Variants in CRYBG3 observed in about 807,000 individuals in gnomAD.
CRYBG3 encodes the protein crystallin beta-gamma domain containing 3.
CRYBG3 carries 127 observed loss-of-function variants against 244.2 expected under a neutral mutation model. That is an observed-to-expected ratio of 0.52 (90% CI 0.45 to 0.60). The LOEUF is 0.60. Ranked by LOEUF, CRYBG3 falls within the 20% of genes least tolerant of loss-of-function variation. The probability of loss-of-function intolerance (pLI) is 0.00; values close to 1 mark genes in which losing one functional copy is unlikely to be tolerated. For synonymous variants in CRYBG3, 1,132 were observed against 1,195.8 expected (o/e 0.95, Z 1.10); for missense variants, 3,325 against 3,442.5 (o/e 0.97, Z 0.85).
At chr3:97,829,723 C>T (rs968809593) in intron 1 of CRYBG3, among the ~76,000 whole-genome samples, 1 of 152,206 alleles carries the variant, frequency 6.6e-6, no homozygotes, top group Non-Finnish European at 1.5e-5. Flanking sequence ...AAGCACCAGT[C>T]TAGGTCCTGG....
intron 8 of CRYBG3, 87 bp from the exon 9 acceptor site, chr3:97,888,253 GT>G: frequency 1.4e-6 from 1 of 734,402 alleles, no homozygotes; most frequent in Non-Finnish European, 2.3e-6. Flanking sequence ...GGAGGATTTT[GT>G]TTTTTTATTT....
rs77747100 is a variant in CRYBG3 at position 97,886,617 on chromosome 3, T to A, written c.7153-14T>A. 3 of 1,021,290 alleles carry A rather than the reference T, an allele frequency of 2.9e-6. No individual in the cohort carries two copies. The highest frequency in any genetic ancestry group is 2.4e-4 in the Middle Eastern group (1 of 4,104). 63.3% of individuals were successfully genotyped at this position (1,021,290 alleles called of 1,614,324 possible). On this transcript the variant is annotated splice_polypyrimidine_tract_variant and intron_variant, in intron 7 of 21. Coordinates refer to ENST00000389622, the MANE Select transcript of CRYBG3 (RefSeq NM_153605.4). Reference sequence around the variant, plus strand: ...TCTAGTTGATTTCAAAGCCAAATTATTTTTTTTTTTCAGGACTGCAGCATT... The same window carrying A: ...TCTAGTTGATTTCAAAGCCAAATTAATTTTTTTTTTCAGGACTGCAGCATT...
At chr3:97,849,448 A>C (rs1423329267) in intron 2 of CRYBG3, among the ~76,000 whole-genome samples, 1 of 152,112 alleles carries the variant, frequency 6.6e-6, no homozygotes, top group East Asian at 1.9e-4. Context: ...TAAAAAAAAA[A>C]AGTGAGTGCT....
rs1433705048 is a variant in CRYBG3, at chr3:97,877,317, G to C, written c.6123G>C (p.Arg2041Ser). ...ADSMPVLACE[R>S]SESRTDLVHH... The stretch of plus-strand genomic sequence containing the variant: ...GCATGCCTGTTCTGGCATGTGAAAG[G>C]TCTGAGAGTAGAACTGACCTTGTCC... The change falls in exon 4 of 22, where the codon AGG (arginine) becomes AGC (serine). Residue 2041 changes from arginine (R) to serine (S), a missense_variant. Arg to Ser is a moderately radical substitution (Grantham distance 110). Around this residue, in one of 4 missense-constraint regions of CRYBG3, gnomAD observed 450 missense variants for 424.1 expected, o/e 1.06. Transcript: ENST00000389622. 1.2e-6 allele frequency: 2 copies of C among 1,614,118 alleles called. No homozygotes were observed. Among genetic ancestry groups the C allele is most frequent in the Admixed American group, 3.3e-5 (2 of 60,020 alleles).
intron 2 of CRYBG3, among the ~76,000 whole-genome samples, chr3:97,859,237 C>A (rs982028377): frequency 6.6e-6 from 1 of 152,106 alleles, no homozygotes; most frequent in African/African-American, 2.4e-5. Flanking sequence ...ATGAAAGGGG[C>A]ACAGTCACTG....
intron 17 of CRYBG3, among the ~76,000 whole-genome samples, chr3:97,928,237 C>T (rs1320742238): frequency 3.3e-5 from 5 of 151,810 alleles, no homozygotes; most frequent in Non-Finnish European, 4.4e-5. Context: ...AGCAGAATAT[C>T]GAATATGTTC....
Position 97,877,684 on chromosome 3 carries a change from A to C in CRYBG3, c.6490A>C (p.Arg2164=). The C allele has an allele frequency of 6.2e-7, 1 of 1,614,128 alleles. No homozygotes were observed. The highest frequency in any genetic ancestry group is 1.1e-5 in the South Asian group (1 of 91,080). The change falls in exon 4 of 22, where the codon AGA becomes CGA. Residue 2164 remains arginine, a synonymous_variant. Transcript: ENST00000389622. ...AGCAGTATTGCATAAAGGAGATCTGAGAGCTGGAAGTGGGGAGCGTGTTAC... is the reference window on the plus strand; with the variant it reads ...AGCAGTATTGCATAAAGGAGATCTGCGAGCTGGAAGTGGGGAGCGTGTTAC... ...EAAVLHKGDL[R]AGSGERVTFQ... is the part of the protein sequence containing the mutation.
intron 6 of CRYBG3, 22 bp downstream of exon 6, chr3:97,880,122 T>A (rs2039427900): frequency 1.6e-6 from 2 of 1,240,304 alleles, no homozygotes; most frequent in East Asian, 4.7e-5. Context: ...CTTAAAATTT[T>A]ATAGCATATT....
intron 15 of CRYBG3, among the ~76,000 whole-genome samples, chr3:97,900,750 T>G (rs890014973): frequency 2.6e-5 from 4 of 152,240 alleles, no homozygotes; most frequent in African/African-American, 9.6e-5. Flanking sequence ...CTTCTGGCAC[T>G]CTTTCTTTCC....
Position 97,874,708 on chromosome 3 carries a change from T to A in CRYBG3, c.3514T>A (p.Ser1172Thr), listed in dbSNP as rs936269418. Residue 1172 changes from serine to threonine, a missense_variant, in exon 4 of 22, where the codon TCT becomes ACT. Ser to Thr is a moderately conservative substitution (Grantham distance 58). Around this residue, in one of 4 missense-constraint regions of CRYBG3, gnomAD observed 1,526 missense variants for 1,443.2 expected, o/e 1.06. Transcript: ENST00000389622. Reference protein sequence around the residue: ...ASVNSSGQQCSEASAEHIEAR... With the variant: ...ASVNSSGQQCTEASAEHIEAR... ...AGTTAACAGCTCAGGCCAACAGTGT[T>A]CTGAAGCCTCTGCTGAGCACATAGA... 2.6e-6 allele frequency: 4 copies of A among 1,535,764 alleles called. No individual in the cohort carries two copies. In the Admixed American group the frequency reaches 7.8e-5, roughly 30 times the overall value.
intron 16 of CRYBG3, among the ~76,000 whole-genome samples, chr3:97,914,411 AT>A (rs1247116380): frequency 6.6e-6 from 1 of 152,132 alleles, no homozygotes; most frequent in East Asian, 1.9e-4. Context: ...AGGAAAATGT[AT>A]TTTTCTTGAC....
In CRYBG3 at chr3:97,915,725, C is replaced by T; in HGVS notation, c.8230C>T (p.Pro2744Ser). Residue 2744 changes from proline to serine, a missense_variant, in exon 17 of 22, where the codon CCC becomes TCC. Physicochemically the swap from Pro to Ser is moderately conservative, Grantham distance 74. Coordinates refer to ENST00000389622, the MANE Select transcript of CRYBG3 (RefSeq NM_153605.4). ...CPASKVKSLKPIDYVFEEPSI... is the reference protein window; with the variant it reads ...CPASKVKSLKSIDYVFEEPSI... The stretch of plus-strand genomic sequence containing the variant: ...AGCATCTAAAGTCAAATCTCTCAAG[C>T]CCATTGACTATGTAAGTACTTTGCA... 6.2e-7 allele frequency: 1 copy of T among 1,611,380 alleles called. No individual in the cohort carries two copies. The highest frequency in any genetic ancestry group is 8.5e-7 in the Non-Finnish European group (1 of 1,178,048).
Position 97,878,193 on chromosome 3 carries a change from G to A in CRYBG3, c.6843+156G>A, listed in dbSNP as rs190639861. Among the ~76,000 whole-genome samples the A allele has an allele frequency of 7.0e-4, 107 of 152,210 alleles. 1 individual carries two copies. The Middle Eastern group carries it at 0.017, about 24-fold the overall frequency. ...TGGGAGGCCGAGGCAGGTGGATCAC[G>A]AGGTCAGGAGTTCAAGACCAGCCTG... is the stretch of plus-strand genomic sequence containing the variant. On this transcript the variant is annotated intron_variant, in intron 4 of 21. Transcript: ENST00000389622.
intron 4 of CRYBG3, among the ~76,000 whole-genome samples, chr3:97,878,366 C>A (rs1299160939): frequency 6.6e-6 from 1 of 152,172 alleles, no homozygotes; most frequent in Admixed American, 6.5e-5. Flanking sequence ...GCCAAGATCG[C>A]ACCAGTGCAC....
intron 3 of CRYBG3, 80 bp downstream of exon 3, chr3:97,864,727 A>G (rs551271516): frequency 2.2e-6 from 2 of 917,016 alleles, no homozygotes; most frequent in African/African-American, 3.3e-5. Flanking sequence ...AATCCTAGTA[A>G]TTGGTGGGAT....
intron 10 of CRYBG3, among the ~76,000 whole-genome samples, chr3:97,890,711 T>C (rs2039566423): frequency 6.6e-6 from 1 of 152,162 alleles, no homozygotes; most frequent in Non-Finnish European, 1.5e-5. Context: ...AGCTATAACC[T>C]TTTGATTTAG....
chr3:97,941,052 G>A (rs758779112), intron 19 of CRYBG3, 96 bp from the exon 20 acceptor site: 409 of 945,860 alleles, frequency 4.3e-4, no homozygotes, highest in Non-Finnish European at 6.0e-4. Context: ...AACTAAGATA[G>A]TTACCTCTCA....
At chr3:97,887,705 G>C (rs1490715618) in intron 8 of CRYBG3, among the ~76,000 whole-genome samples, 2 of 152,136 alleles carry the variant, frequency 1.3e-5, no homozygotes, top group Non-Finnish European at 2.9e-5. Context: ...GTGGTGAGCT[G>C]AGATAGCACC....
intron 16 of CRYBG3, among the ~76,000 whole-genome samples, chr3:97,912,718 A>G (rs1007911249): frequency 3.3e-5 from 5 of 152,210 alleles, no homozygotes; most frequent in African/African-American, 7.2e-5. Context: ...TTCCAAGATC[A>G]CATACCAAAT....
Sources: gnomAD v4.1 joint callset for allele counts (sites outside exome capture counted in the v4.1 genomes callset) on GRCh38, gnomAD v4.1.1 for gene constraint, gnomAD v4.1.1 regional missense constraint, MANE v1.5 for transcripts, NCBI Gene and HGNC (gene_info 2026-07-23, HGNC 2026-07-21) for gene names.